GRIK3: variants seen among roughly 807,000 people sequenced by gnomAD.
The protein encoded by GRIK3 is glutamate receptor ionotropic, kainate 3.
A neutral mutation model predicts 102.5 loss-of-function variants in GRIK3; 29 were observed. The observed-to-expected ratio is 0.28, with a 90% CI of 0.21 to 0.39. The LOEUF (loss-of-function observed/expected upper bound fraction) is 0.39, where lower values mean the gene tolerates loss of function less well. GRIK3 is among the 10% of genes least tolerant of loss of function. GRIK3 has a pLI of 1.00. For missense variants in GRIK3, 908 were observed against 1,252.4 expected, an observed-to-expected ratio of 0.73 and a Z score of 4.15; for synonymous variants, 511 against 504.9, an observed-to-expected ratio of 1.01 and a Z score of -0.16.
intron 10 of GRIK3, among the ~76,000 whole-genome samples, chr1:36,837,594 C>T (rs1008779082): frequency 3.3e-5 from 5 of 152,134 alleles, no homozygotes; most frequent in Admixed American, 6.5e-5. Context: ...AGTGCCAAGT[C>T]GATGTCACCC....
chr1:36,862,787 T>C (rs184265493), intron 5 of GRIK3, among the ~76,000 whole-genome samples: 1 of 152,090 alleles, frequency 6.6e-6, no homozygotes, highest in East Asian at 1.9e-4. Flanking sequence ...CCATATAGAG[T>C]TGTCAAGGAA....
intron 1 of GRIK3, among the ~76,000 whole-genome samples, chr1:36,919,338 AATTTTATTTTATTTT>A (rs59601847): frequency 0.017 from 2,513 of 143,660 alleles, 68 homozygotes; most frequent in East Asian, 0.11. Flanking sequence ...GCTTTTTTAA[AATTTTATTTTATTTT>A]ATTTTATTTT....
intron 1 of GRIK3, among the ~76,000 whole-genome samples, chr1:36,971,791 C>A (rs1449820503): frequency 6.6e-6 from 1 of 152,188 alleles, no homozygotes; most frequent in Non-Finnish European, 1.5e-5. Context: ...CCAGCACAGT[C>A]ATCAGCATCC....
intron 9 of GRIK3, 43 bp from the exon 10 acceptor site, chr1:36,841,982 T>G: frequency 1.3e-6 from 2 of 1,521,926 alleles, no homozygotes; most frequent in Non-Finnish European, 1.8e-6. Context: ...ACTGAGCAGC[T>G]AGGGCGGAGG....
intron 2 of GRIK3, among the ~76,000 whole-genome samples, chr1:36,883,186 A>T (rs1369524386): frequency 1.3e-5 from 2 of 152,242 alleles, no homozygotes; most frequent in East Asian, 3.9e-4. Context: ...CATACGGCTA[A>T]ATAGTTACAT....
chr1:37,017,668 C>T (rs1023408699), intron 1 of GRIK3, among the ~76,000 whole-genome samples: 1 of 152,066 alleles, frequency 6.6e-6, no homozygotes, highest in Non-Finnish European at 1.5e-5. Flanking sequence ...CTTGAGAAGC[C>T]GAGGGCAAAC....
chr1:36,981,562 A>C (rs1258168165), intron 1 of GRIK3, among the ~76,000 whole-genome samples: 1 of 151,992 alleles, frequency 6.6e-6, no homozygotes, highest in Non-Finnish European at 1.5e-5. Context: ...GGAGAGAAGA[A>C]TTTGTCTACA....
At chr1:37,020,477 T>C (rs1334970014) in intron 1 of GRIK3, among the ~76,000 whole-genome samples, 3 of 152,192 alleles carry the variant, frequency 2.0e-5, no homozygotes, top group South Asian at 2.1e-4. Flanking sequence ...ACTTACAAAA[T>C]GCGATGTGAA....
chr1:37,019,602 GC>G, intron 1 of GRIK3, among the ~76,000 whole-genome samples: 1 of 152,174 alleles, frequency 6.6e-6, no homozygotes, highest in South Asian at 2.1e-4. Context: ...CTGTTTCATT[GC>G]CCCCGCATCC....
chr1:36,970,282 G>A (rs932699776), intron 1 of GRIK3, among the ~76,000 whole-genome samples: 8 of 152,166 alleles, frequency 5.3e-5, no homozygotes, highest in Middle Eastern at 3.2e-3. Context: ...GAGGTCATCC[G>A]TATGTCTTCC....
chr1:36,996,858 T>C (rs1642425777), intron 1 of GRIK3, among the ~76,000 whole-genome samples: 1 of 152,182 alleles, frequency 6.6e-6, no homozygotes, highest in African/African-American at 2.4e-5. Context: ...TGGCTCTCAA[T>C]CGGGGATGAT....
intron 1 of GRIK3, among the ~76,000 whole-genome samples, chr1:36,947,491 C>G (rs940655710): frequency 6.6e-6 from 1 of 152,164 alleles, no homozygotes; most frequent in African/African-American, 2.4e-5. Context: ...AATTCTTTAC[C>G]CTAGAATTCA....
At chr1:37,019,179 C>T (rs1037377761) in intron 1 of GRIK3, among the ~76,000 whole-genome samples, 1 of 152,204 alleles carries the variant, frequency 6.6e-6, no homozygotes, top group African/African-American at 2.4e-5. Context: ...CTTACACATG[C>T]ATCCATCCAT....
intron 15 of GRIK3, among the ~76,000 whole-genome samples, chr1:36,802,412 C>T (rs1328076742): frequency 6.6e-6 from 1 of 152,134 alleles, no homozygotes; most frequent in East Asian, 1.9e-4. Flanking sequence ...CCCATGGGCC[C>T]AACTTTCGAG....
intron 1 of GRIK3, among the ~76,000 whole-genome samples, chr1:36,993,171 G>A (rs546328693): frequency 3.9e-5 from 6 of 152,306 alleles, no homozygotes; most frequent in South Asian, 2.1e-4. Flanking sequence ...AATAGGTAGC[G>A]TGGGAGAGTG....
Position 36,850,251 on chromosome 1 carries a change from C to A in GRIK3, c.1326+60G>T, listed in dbSNP as rs562450441. On this transcript the variant is annotated intron_variant, in intron 9 of 15. Coordinates refer to ENST00000373091, the MANE Select transcript of GRIK3 (RefSeq NM_000831.4). The surrounding 1 kb of genome is among the most constrained non-coding windows in gnomAD (Gnocchi z 4.0). ...GGGGGATAGAGGGGACTCTCCAGCC[C>A]GAACGGCCACCCCACCCCCAGGTCG... The A allele has an allele frequency of 4.6e-6, 5 of 1,088,678 alleles. No individual in the cohort carries two copies. Among genetic ancestry groups the A allele is most frequent in the Non-Finnish European group, 7.1e-6 (5 of 701,666 alleles). The allele number at this position is 1,088,678 out of a possible 1,614,324, so 67.4% of individuals were successfully genotyped here. A position where few individuals can be genotyped will look rare whatever the true frequency, so the allele number is the denominator to read the frequency against.
chr1:36,909,658 G>A (rs745558698), intron 1 of GRIK3, among the ~76,000 whole-genome samples: 2 of 151,952 alleles, frequency 1.3e-5, no homozygotes, highest in Non-Finnish European at 2.9e-5. Flanking sequence ...ACTGGGCTCT[G>A]AAAGACTTGA....
intron 1 of GRIK3, among the ~76,000 whole-genome samples, chr1:36,908,422 T>G (rs1053178150): frequency 7.2e-5 from 11 of 152,210 alleles, no homozygotes; most frequent in Non-Finnish European, 8.8e-5. Flanking sequence ...CTAGAGAGCC[T>G]GTAGCTTTGG....
At position 36,825,718 on chromosome 1, in the gene GRIK3, G is replaced by T. The variant is rs1175225920; in HGVS notation, c.1639C>A (p.Pro547Thr). The T allele has an allele frequency of 6.2e-7, 1 of 1,613,824 alleles. No homozygotes were observed. The highest frequency in any genetic ancestry group is 8.5e-7 in the Non-Finnish European group (1 of 1,179,866). ...TLGVSILYRK[P>T]NGTNPSVFSF... ...AAGACGCTGGGGTTGGTGCCATTGG[G>T]CTTTCGATACAGGATGCTCACACCA... The change falls in exon 11 of 16, where the codon CCC becomes ACC. Residue 547 changes from proline (P) to threonine (T), a missense_variant. Physicochemically the swap from Pro to Thr is conservative, Grantham distance 38. Coordinates refer to ENST00000373091, the MANE Select transcript of GRIK3 (RefSeq NM_000831.4).
Sources: gnomAD v4.1 joint callset for allele counts (sites outside exome capture counted in the v4.1 genomes callset) on GRCh38, gnomAD v4.1.1 for gene constraint, Gnocchi (gnomAD v3.1) non-coding constraint, MANE v1.5 for transcripts, NCBI Gene and HGNC (gene_info 2026-07-23, HGNC 2026-07-21) for gene names.